Variants in BCL7C observed in about 807,000 individuals in gnomAD.
BCL7C encodes B-cell CLL/lymphoma 7 protein family member C.
Under a neutral mutation model 26.2 loss-of-function variants are expected in BCL7C, and 8 were observed. The observed-to-expected ratio is 0.30, with a 90% CI of 0.18 to 0.55. The LOEUF is 0.55. Ranked by LOEUF, BCL7C falls within the 20% of genes least tolerant of loss-of-function variation. The probability of loss-of-function intolerance (pLI) is 0.93; values close to 1 mark genes in which losing one functional copy is unlikely to be tolerated. For missense variants in BCL7C, 262 were observed against 298.5 expected (o/e 0.88, Z 0.90); for synonymous variants, 90 against 116.5 (o/e 0.77, Z 1.47).
intron 5 of BCL7C, among the ~76,000 whole-genome samples, chr16:30,835,512 A>C (rs1193740599): frequency 6.6e-6 from 1 of 152,120 alleles, no homozygotes; most frequent in Non-Finnish European, 1.5e-5. Context: ...GCCATCAGGG[A>C]TATGTTCAAT....
At chr16:30,881,514 C>T (rs2055043780) in intron 5 of BCL7C, among the ~76,000 whole-genome samples, 1 of 152,194 alleles carries the variant, frequency 6.6e-6, no homozygotes, top group Non-Finnish European at 1.5e-5. Context: ...CAAGTCTTGA[C>T]AGTGGCCTCT....
At chr16:30,833,628 G>C (rs1953766816) in exon 6 of BCL7C, 1 of 152,150 alleles carries the variant, frequency 6.6e-6, no homozygotes, top group Admixed American at 6.5e-5. Flanking sequence ...AGCTGGTCCT[G>C]GAATGGAGCT....
chr16:30,868,273 G>A (rs950508758), intron 5 of BCL7C, among the ~76,000 whole-genome samples: 7 of 149,118 alleles, frequency 4.7e-5, no homozygotes, highest in South Asian at 4.3e-4. Flanking sequence ...GACTACAGGC[G>A]TGTACCACCC....
At chr16:30,879,925 G>C (rs896580592) in intron 5 of BCL7C, among the ~76,000 whole-genome samples, 2 of 151,608 alleles carry the variant, frequency 1.3e-5, no homozygotes, top group African/African-American at 4.9e-5. Context: ...GGGAGGCAGA[G>C]CTTTCAGTGA....
Position 30,893,626 on chromosome 16 carries a change from G to A in BCL7C, c.92+227C>T, listed in dbSNP as rs918862049. Among the ~76,000 whole-genome samples the A allele has an allele frequency of 2.9e-4, 44 of 152,038 alleles. No individual in the cohort carries two copies. The highest frequency in any genetic ancestry group is 4.9e-4 in the Non-Finnish European group (33 of 67,972). Reference sequence around the variant, plus strand: ...GGGGTGTCAAAGCTTTAGGGGGCGGGGCACAAGAGGGGGCTCCCGCTCTGG... The same window carrying A: ...GGGGTGTCAAAGCTTTAGGGGGCGGAGCACAAGAGGGGGCTCCCGCTCTGG... On this transcript the variant is annotated intron_variant, in intron 1 of 5. Transcript: ENST00000215115. This position sits in a 1 kb window ranked among gnomAD's most constrained non-coding sequence, Gnocchi z 5.2.
chr16:30,893,922 G>A lies in BCL7C; in HGVS notation c.23C>T (p.Ala8Val). Reference protein sequence around the residue: MAGRTVRAETRSRAKDDI... With the variant: MAGRTVRVETRSRAKDDI... ...ATCCTTGGCCCGGCTCCGGGTCTCG[G>A]CCCGTACAGTCCGGCCGGCCATGCT... The change falls in exon 1 of 6, where the codon GCC becomes GTC. Residue 8 changes from alanine to valine, a missense_variant. By Grantham distance (64) the Ala-to-Val change is moderately conservative. Transcript: ENST00000215115. This position sits in a 1 kb window ranked among gnomAD's most constrained non-coding sequence, Gnocchi z 5.2. The A allele has an allele frequency of 6.3e-7, 1 of 1,595,572 alleles. No homozygotes were observed. The highest frequency in any genetic ancestry group is 8.5e-7 in the Non-Finnish European group (1 of 1,176,608).
chr16:30,883,536 C>CTTTT (rs71149065), downstream of BCL7C, among the ~76,000 whole-genome samples: 7 of 45,462 alleles, frequency 1.5e-4, no homozygotes, highest in Non-Finnish European at 2.3e-4. Flanking sequence ...GCCAAACTGG[C>CTTTT]TTTTTTTTTT....
intron 5 of BCL7C, chr16:30,888,581 C>T (rs555010150): frequency 1.6e-5 from 4 of 247,560 alleles, no homozygotes; most frequent in South Asian, 6.1e-5. Flanking sequence ...ATGATCCACC[C>T]GCCTCCGCCT....
chr16:30,851,712 G>T, intron 5 of BCL7C: 1 of 709,094 alleles, frequency 1.4e-6, no homozygotes, highest in African/African-American at 1.8e-5. Flanking sequence ...AAGTTGCAGT[G>T]GATCAGACCA....
intron 4 of BCL7C, 27 bp from the exon 5 acceptor site, chr16:30,888,972 C>A: frequency 6.2e-7 from 1 of 1,605,728 alleles, no homozygotes; most frequent in East Asian, 2.2e-5. Context: ...ACAAACATCC[C>A]CTGAACAGCC....
At chr16:30,872,873 C>T (rs905503059) in intron 5 of BCL7C, among the ~76,000 whole-genome samples, 5 of 152,178 alleles carry the variant, frequency 3.3e-5, no homozygotes, top group Admixed American at 1.3e-4. Context: ...CACTTCTTTA[C>T]AGGAGTTGTC....
exon 6 of BCL7C, chr16:30,833,806 G>T (rs911934833): frequency 6.6e-6 from 1 of 152,168 alleles, no homozygotes; most frequent in African/African-American, 2.4e-5. Context: ...TGTAGAAAGC[G>T]TTTTCTGTAA....
At chr16:30,865,278 C>T (rs2054815748) in intron 5 of BCL7C, among the ~76,000 whole-genome samples, 1 of 152,012 alleles carries the variant, frequency 6.6e-6, no homozygotes, top group South Asian at 2.1e-4. Flanking sequence ...AATCCTACCA[C>T]CCTTTGCTGA....
At chr16:30,885,790 G>C (rs961414629), downstream of BCL7C, among the ~76,000 whole-genome samples, 3 of 152,124 alleles carry the variant, frequency 2.0e-5, no homozygotes, top group Non-Finnish European at 4.4e-5. Context: ...AGCAAGCCTG[G>C]CTTCCCTGGA....
chr16:30,887,773 G>T, downstream of BCL7C: 1 of 1,491,804 alleles, frequency 6.7e-7, no homozygotes, highest in Non-Finnish European at 8.9e-7. Context: ...CAGCCCTGAC[G>T]GGGAAATGAC....
chr16:30,892,813 C>G, intron 3 of BCL7C, 27 bp downstream of exon 3: 1 of 1,613,826 alleles, frequency 6.2e-7, no homozygotes, highest in Non-Finnish European at 8.5e-7. Flanking sequence ...TCCCCACAGC[C>G]CCCCGCGTTT....
chr16:30,872,188 G>A (rs1470033263), intron 5 of BCL7C, among the ~76,000 whole-genome samples: 1 of 152,152 alleles, frequency 6.6e-6, no homozygotes, highest in African/African-American at 2.4e-5. Flanking sequence ...ATGGCAAGAG[G>A]TGGGAAAGTC....
chr16:30,875,001 T>A (rs913370820), intron 5 of BCL7C, among the ~76,000 whole-genome samples: 26 of 152,160 alleles, frequency 1.7e-4, no homozygotes, highest in Admixed American at 7.9e-4. Context: ...GAGGGACAGC[T>A]GGTCTCCGGG....
chr16:30,853,978 G>T (rs141816782), intron 5 of BCL7C, among the ~76,000 whole-genome samples: 20 of 152,216 alleles, frequency 1.3e-4, no homozygotes, highest in Admixed American at 1.0e-3. Context: ...CATTCATACC[G>T]CATGGTGACA....
Sources: gnomAD v4.1 joint callset for allele counts (sites outside exome capture counted in the v4.1 genomes callset) on GRCh38, gnomAD v4.1.1 for gene constraint, Gnocchi (gnomAD v3.1) non-coding constraint, MANE v1.5 for transcripts, NCBI Gene and HGNC (gene_info 2026-07-23, HGNC 2026-07-21) for gene names.